The following GSE1 variants were observed in gnomAD, a reference collection of about 807,000 sequenced individuals.
GSE1 encodes the protein Gse1 coiled-coil protein, also known as genetic suppressor element 1.
Under a neutral mutation model 112.6 loss-of-function variants are expected in GSE1, and 32 were observed. The observed-to-expected ratio is 0.28, with a 90% CI of 0.21 to 0.38. The LOEUF (loss-of-function observed/expected upper bound fraction) is 0.38, where lower values mean the gene tolerates loss of function less well. GSE1 is among the 10% of genes least tolerant of loss of function. GSE1 has a pLI of 1.00. For synonymous variants in GSE1, 1,115 were observed against 735.6 expected, an observed-to-expected ratio of 1.52 and a Z score of -8.35; for missense variants, 2,348 against 1,699.2, an observed-to-expected ratio of 1.38 and a Z score of -6.71.
At chr16:85,265,998 G>T (rs1684507647) in intron 1 of GSE1, among the ~76,000 whole-genome samples, 1 of 152,192 alleles carries the variant, frequency 6.6e-6, no homozygotes, top group Non-Finnish European at 1.5e-5. Context: ...TGGCCTGCGG[G>T]TCCTTGGACA....
At chr16:85,458,823 T>C (rs1327255045) in intron 2 of GSE1, among the ~76,000 whole-genome samples, 4 of 152,070 alleles carry the variant, frequency 2.6e-5, no homozygotes, top group African/African-American at 7.2e-5. Flanking sequence ...TAGAGTCACT[T>C]TGGGTTCAGG....
intron 1 of GSE1, among the ~76,000 whole-genome samples, chr16:85,175,784 C>G (rs1352762085): frequency 6.6e-6 from 1 of 152,184 alleles, no homozygotes; most frequent in Admixed American, 6.5e-5. Flanking sequence ...GCACACTTCA[C>G]CTGTATTCAC....
rs538188886 is a variant in GSE1 at position 85,419,811 on chromosome 16, C to T, written c.2464+62168C>T. Among the ~76,000 whole-genome samples, 111 of 145,108 alleles carry T rather than the reference C, an allele frequency of 7.6e-4. 2 individuals are homozygous for T. Among genetic ancestry groups the T allele is most frequent in the South Asian group, 4.9e-4 (2 of 4,058 alleles). ...GATGGAAATGGTCCGAGTAGGGCTTCTGCAGGGCCAGCCAGGAACTCCACA... is the reference window on the plus strand; with the variant it reads ...GATGGAAATGGTCCGAGTAGGGCTTTTGCAGGGCCAGCCAGGAACTCCACA... On this transcript the variant is annotated intron_variant, in intron 2 of 2. Transcript: ENST00000637419. The surrounding 1 kb of genome is among the most constrained non-coding windows in gnomAD (Gnocchi z 6.5).
upstream of GSE1, chr16:85,555,763 CTGAA>C (rs2045175551): frequency 2.0e-6 from 2 of 976,420 alleles, no homozygotes; most frequent in South Asian, 4.8e-5. Flanking sequence ...ATTCAAATGG[CTGAA>C]TGGAGGAGAG....
At chr16:85,475,023 T>C (rs1201706660) in intron 2 of GSE1, among the ~76,000 whole-genome samples, 3 of 152,130 alleles carry the variant, frequency 2.0e-5, no homozygotes, top group Admixed American at 1.3e-4. Context: ...GGCGACCCCA[T>C]GTCCTCTGTG....
intron 2 of GSE1, among the ~76,000 whole-genome samples, chr16:85,389,928 C>G (rs374607671): frequency 1.3e-5 from 2 of 152,248 alleles, no homozygotes; most frequent in Non-Finnish European, 2.9e-5. Context: ...ACACAGACCC[C>G]GTGGAGTCAG....
At chr16:85,351,989 CA>C (rs2046859708) in intron 1 of GSE1, among the ~76,000 whole-genome samples, 1 of 141,294 alleles carries the variant, frequency 7.1e-6, no homozygotes, top group Non-Finnish European at 1.5e-5. Flanking sequence ...GACTCCATCT[CA>C]AAACAAAAAC....
At chr16:85,486,398 C>T (rs964853632) in intron 2 of GSE1, among the ~76,000 whole-genome samples, 1 of 152,228 alleles carries the variant, frequency 6.6e-6, no homozygotes, top group African/African-American at 2.4e-5. Flanking sequence ...CTGTTCTCCC[C>T]GGCGTTGCCC....
At chr16:85,524,424 C>T (rs2052296426) in intron 2 of GSE1, among the ~76,000 whole-genome samples, 1 of 152,124 alleles carries the variant, frequency 6.6e-6, no homozygotes. Flanking sequence ...ATAGCAGAGA[C>T]ATAAGGGCTC....
chr16:85,477,075 G>A (rs969807828), intron 2 of GSE1, among the ~76,000 whole-genome samples: 10 of 151,978 alleles, frequency 6.6e-5, no homozygotes, highest in African/African-American at 9.7e-5. Flanking sequence ...ACAGGTGTAC[G>A]CACCACCATG....
chr16:85,611,639 C>A, upstream of GSE1: 1 of 280,428 alleles, frequency 3.6e-6, no homozygotes, highest in Non-Finnish European at 5.4e-6. Flanking sequence ...CGTGCGCCCC[C>A]ACCTCCGGGC....
intron 1 of GSE1, among the ~76,000 whole-genome samples, chr16:85,186,566 G>C (rs1309189037): frequency 6.6e-6 from 1 of 151,006 alleles, no homozygotes; most frequent in Non-Finnish European, 1.5e-5. Flanking sequence ...TCGTGCCACT[G>C]TACTCCAGCC....
chr16:85,487,653 C>T (rs2050884358), intron 2 of GSE1, among the ~76,000 whole-genome samples: 1 of 152,146 alleles, frequency 6.6e-6, no homozygotes, highest in African/African-American at 2.4e-5. Context: ...GGGAATCACC[C>T]CGCGATACAA....
intron 1 of GSE1, among the ~76,000 whole-genome samples, chr16:85,187,548 A>G (rs11149718): frequency 0.55 from 82,786 of 151,820 alleles, 22,731 homozygotes; most frequent in Middle Eastern, 0.65. Context: ...GGCCAGCGCG[A>G]GTACTATCCC....
chr16:85,615,707 G>A (rs1256831173), intron 1 of GSE1, among the ~76,000 whole-genome samples: 3 of 152,186 alleles, frequency 2.0e-5, no homozygotes, highest in African/African-American at 7.2e-5. Flanking sequence ...AGCTGTTTGG[G>A]ACAGTTTTTA....
chr16:85,515,183 G>A (rs957062189), intron 2 of GSE1, among the ~76,000 whole-genome samples: 16 of 152,254 alleles, frequency 1.1e-4, no homozygotes, highest in African/African-American at 3.8e-4. Context: ...TTTCCCAATC[G>A]GCATTCCAGC....
At chr16:85,368,024 T>G (rs1310446505) in intron 2 of GSE1, among the ~76,000 whole-genome samples, 1 of 151,984 alleles carries the variant, frequency 6.6e-6, no homozygotes, top group Non-Finnish European at 1.5e-5. Context: ...TAATTGTGTT[T>G]TGTATTTTTA....
intron 1 of GSE1, among the ~76,000 whole-genome samples, chr16:85,304,602 G>GGGGT (rs1555557428): frequency 3.4e-5 from 1 of 29,570 alleles, no homozygotes; most frequent in Non-Finnish European, 1.0e-4. Flanking sequence ...AGCCGGGGGC[G>GGGGT]GGGGGGTGGG....
chr16:85,260,677 TGGGGGCTACGCCACA>T (rs2144102328), intron 1 of GSE1, among the ~76,000 whole-genome samples: 1 of 152,352 alleles, frequency 6.6e-6, no homozygotes, highest in East Asian at 1.9e-4. Flanking sequence ...CCCAGGGCAA[TGGGGGCTACGCCACA>T]GGGCCCTTTC....
Sources: gnomAD v4.1 joint callset for allele counts (sites outside exome capture counted in the v4.1 genomes callset) on GRCh38, gnomAD v4.1.1 for gene constraint, Gnocchi (gnomAD v3.1) non-coding constraint, MANE v1.5 for transcripts, NCBI Gene and HGNC (gene_info 2026-07-23, HGNC 2026-07-21) for gene names.